SHQ1: variants seen among roughly 807,000 people sequenced by gnomAD.
The protein encoded by SHQ1 is SHQ1, H/ACA ribonucleoprotein assembly factor.
A neutral mutation model predicts 53.8 loss-of-function variants in SHQ1; 49 were observed. The observed-to-expected ratio is 0.91, with a 90% confidence interval of 0.72 to 1.16. The LOEUF (loss-of-function observed/expected upper bound fraction) is 1.16. Among genes scored for constraint, SHQ1 ranks in the 50% most tolerant of loss-of-function variants. The probability of loss-of-function intolerance (pLI) is 0.00; values close to 1 mark genes in which losing one functional copy is unlikely to be tolerated. For missense variants in SHQ1, 738 were observed against 683.1 expected (o/e 1.08, Z -0.90); for synonymous variants, 243 against 251.0 (o/e 0.97, Z 0.30).
At chr3:72,787,762 C>G (rs1400995676) in intron 10 of SHQ1, among the ~76,000 whole-genome samples, 1 of 151,052 alleles carries the variant, frequency 6.6e-6, no homozygotes, top group African/African-American at 2.5e-5. Flanking sequence ...CCTCTGATGC[C>G]GAGCGGAGGC....
Position 72,803,640 on chromosome 3 carries a change from A to AGAT in SHQ1, c.1060+9028_1060+9030dup, listed in dbSNP as rs1428024738. ...GAGGTGGTAAATTTTCTCTGTAAAG[A>AGAT]GATAGAAAGTAAATATTTTGGCTTT... On this transcript the variant is annotated intron_variant, in intron 9 of 10. Transcript: ENST00000325599. Among the ~76,000 whole-genome samples, 3 of 152,290 alleles carry AGAT rather than the reference A, an allele frequency of 2.0e-5. No homozygotes were observed. In the East Asian group the frequency reaches 5.8e-4, roughly 29 times the overall value.
At chr3:72,729,027 C>A in the SHQ1 span, among the ~76,000 whole-genome samples, 1 of 152,230 alleles carries the variant, frequency 6.6e-6, no homozygotes, top group Non-Finnish European at 1.5e-5. Context: ...CCCATCTGTT[C>A]TTCCCCTCCC....
the SHQ1 span, among the ~76,000 whole-genome samples, chr3:72,730,834 T>C: frequency 1.1e-4 from 16 of 151,882 alleles, no homozygotes; most frequent in African/African-American, 3.6e-4. Flanking sequence ...GTCTGCTTTC[T>C]GGTATATGCA....
intron 9 of SHQ1, among the ~76,000 whole-genome samples, chr3:72,796,307 T>C (rs1009843893): frequency 6.6e-6 from 1 of 151,820 alleles, no homozygotes; most frequent in Non-Finnish European, 1.5e-5. Flanking sequence ...GTGTGGGCAG[T>C]AGGAATAAAG....
intron 10 of SHQ1, among the ~76,000 whole-genome samples, chr3:72,755,198 T>C (rs1705474163): frequency 6.6e-6 from 1 of 152,148 alleles, no homozygotes; most frequent in Admixed American, 6.5e-5. Flanking sequence ...TTTTTCACTT[T>C]CGGCATTATA....
In SHQ1 at chr3:72,841,168, G is replaced by C; in HGVS notation, c.363C>G (p.Asp121Glu). ...GASEIPEEVV[D>E]DEEFDWEIEQ... Reference sequence around the variant, plus strand: ...CAATTTCCCAATCAAACTCTTCATCGTCAACTACTTCCTCAGGAATCTCAG... The same window carrying C: ...CAATTTCCCAATCAAACTCTTCATCCTCAACTACTTCCTCAGGAATCTCAG... Residue 121 changes from aspartate to glutamate, a missense_variant, in exon 4 of 11, where the codon GAC becomes GAG. Physicochemically the swap from Asp to Glu is conservative, Grantham distance 45. Coordinates refer to ENST00000325599, the MANE Select transcript of SHQ1 (RefSeq NM_018130.3). The C allele has an allele frequency of 1.9e-6, 3 of 1,612,948 alleles. No homozygotes were observed. The highest frequency in any genetic ancestry group is 2.5e-6 in the Non-Finnish European group (3 of 1,179,630).
At chr3:72,756,563 G>A (rs958641597) in intron 10 of SHQ1, among the ~76,000 whole-genome samples, 1 of 152,208 alleles carries the variant, frequency 6.6e-6, no homozygotes, top group African/African-American at 2.4e-5. Context: ...ACAGGAGTAA[G>A]CCACCATGCC....
At chr3:72,819,585 C>T (rs566208733) in intron 6 of SHQ1, among the ~76,000 whole-genome samples, 5 of 152,202 alleles carry the variant, frequency 3.3e-5, no homozygotes, top group African/African-American at 1.2e-4. Flanking sequence ...GGTCCTCATC[C>T]TGGTCTTCAT....
the SHQ1 span, among the ~76,000 whole-genome samples, chr3:72,741,338 C>T: frequency 3.5e-4 from 53 of 152,030 alleles, no homozygotes; most frequent in Admixed American, 9.2e-4. Flanking sequence ...GTAATCCTAG[C>T]ATCTTGGGAG....
intron 10 of SHQ1, among the ~76,000 whole-genome samples, chr3:72,769,575 T>C (rs753311910): frequency 2.6e-5 from 4 of 152,220 alleles, no homozygotes; most frequent in Non-Finnish European, 5.9e-5. Flanking sequence ...TTTCTGTGCC[T>C]GGTCAGATCC....
At chr3:72,817,145 T>C (rs1239790469) in intron 7 of SHQ1, 85 bp downstream of exon 7, 4 of 1,427,390 alleles carry the variant, frequency 2.8e-6, no homozygotes, top group African/African-American at 2.9e-5. Context: ...CCACCAGTTC[T>C]ACTCTAGACA....
At chr3:72,725,662 T>G in the SHQ1 span, among the ~76,000 whole-genome samples, 1 of 152,220 alleles carries the variant, frequency 6.6e-6, no homozygotes, top group Non-Finnish European at 1.5e-5. Context: ...AAGTCACAGC[T>G]GTAAGCCCAG....
In SHQ1 at chr3:72,793,038, T is replaced by C; in HGVS notation, c.1061-2A>G. 6.3e-7 allele frequency: 1 copy of C among 1,597,226 alleles called. No individual in the cohort carries two copies. ...GACACTTTAAAACTGCACTTTTACCTAAAGAAAATTGAAAAAACATAAAAT... is the reference window on the plus strand; with the variant it reads ...GACACTTTAAAACTGCACTTTTACCCAAAGAAAATTGAAAAAACATAAAAT... On this transcript the variant is annotated splice_acceptor_variant, in intron 9 of 10. Transcript: ENST00000325599. LOFTEE classifies it high-confidence loss of function.
chr3:72,771,343 C>A (rs1009981083), intron 10 of SHQ1, among the ~76,000 whole-genome samples: 2 of 152,088 alleles, frequency 1.3e-5, no homozygotes, highest in African/African-American at 4.8e-5. Flanking sequence ...ATTCCAGTTC[C>A]AAAAAGTTAG....
chr3:72,738,202 G>A, the SHQ1 span, among the ~76,000 whole-genome samples: 1 of 152,220 alleles, frequency 6.6e-6, no homozygotes, highest in African/African-American at 2.4e-5. Context: ...AGTTCCCACT[G>A]CACCCTGTGC....
At chr3:72,810,831 C>T (rs936120843) in intron 9 of SHQ1, among the ~76,000 whole-genome samples, 1 of 152,164 alleles carries the variant, frequency 6.6e-6, no homozygotes, top group African/African-American at 2.4e-5. Flanking sequence ...AGTTTTAGCA[C>T]TAACTAGCCA....
intron 4 of SHQ1, among the ~76,000 whole-genome samples, chr3:72,834,228 T>C (rs1443512442): frequency 6.6e-6 from 1 of 152,222 alleles, no homozygotes; most frequent in Non-Finnish European, 1.5e-5. Context: ...CAGAGACCTT[T>C]TTAGAAGTCA....
At chr3:72,811,191 G>C (rs2106853315) in intron 9 of SHQ1, among the ~76,000 whole-genome samples, 1 of 152,224 alleles carries the variant, frequency 6.6e-6, no homozygotes, top group South Asian at 2.1e-4. Context: ...GAGTGAGAGT[G>C]TGTGAGTGTG....
intron 4 of SHQ1, among the ~76,000 whole-genome samples, chr3:72,837,837 G>T (rs908286675): frequency 2.0e-4 from 31 of 152,200 alleles, no homozygotes; most frequent in African/African-American, 7.0e-4. Flanking sequence ...GAATGAAGAA[G>T]AACTCTACAA....
Sources: gnomAD v4.1 joint callset for allele counts (sites outside exome capture counted in the v4.1 genomes callset) on GRCh38, gnomAD v4.1.1 for gene constraint, MANE v1.5 for transcripts, NCBI Gene and HGNC (gene_info 2026-07-23, HGNC 2026-07-21) for gene names.